Variants in TTC28 observed in about 807,000 individuals in gnomAD.
The protein encoded by TTC28 is tetratricopeptide repeat protein 28.
In TTC28, 61 loss-of-function variants were observed where a neutral mutation model predicts 198.0. The observed-to-expected ratio is 0.31, with a 90% CI of 0.25 to 0.38. The LOEUF (loss-of-function observed/expected upper bound fraction) is 0.38, where lower values mean the gene tolerates loss of function less well. Ranked by LOEUF, TTC28 falls within the 10% of genes least tolerant of loss-of-function variation. The probability of loss-of-function intolerance (pLI) is 1.00; values close to 1 mark genes in which losing one functional copy is unlikely to be tolerated. For missense variants in TTC28, 2,678 were observed against 3,164.0 expected (o/e 0.85, Z 3.69); for synonymous variants, 1,171 against 1,297.8 (o/e 0.90, Z 2.10).
intron 5 of TTC28, among the ~76,000 whole-genome samples, chr22:28,187,828 C>A (rs2147118976): frequency 6.6e-6 from 1 of 152,080 alleles, no homozygotes; most frequent in East Asian, 1.9e-4. Context: ...ATAACAATGC[C>A]CACTGGGAAT....
At chr22:28,410,009 C>G (rs930585722) in intron 2 of TTC28, among the ~76,000 whole-genome samples, 9 of 152,068 alleles carry the variant, frequency 5.9e-5, no homozygotes, top group African/African-American at 2.2e-4. Flanking sequence ...GCAATCTCCA[C>G]CTCCTGGGTT....
At chr22:28,547,485 T>C (rs1254055202) in intron 2 of TTC28, among the ~76,000 whole-genome samples, 1 of 152,194 alleles carries the variant, frequency 6.6e-6, no homozygotes, top group Non-Finnish European at 1.5e-5. Context: ...CTCAAGATTT[T>C]TGTCTCTCCC....
At chr22:28,586,278 CAAA>C (rs1351149710) in intron 2 of TTC28, among the ~76,000 whole-genome samples, 2 of 82,738 alleles carry the variant, frequency 2.4e-5, no homozygotes, top group African/African-American at 4.6e-5. Context: ...GACTCCGTCT[CAAA>C]AAAAAAAAAA....
intron 5 of TTC28, among the ~76,000 whole-genome samples, chr22:28,165,154 G>C (rs878896376): frequency 8.5e-5 from 13 of 152,302 alleles, no homozygotes; most frequent in East Asian, 5.8e-4. Flanking sequence ...AATGAACAAA[G>C]CCTCCAAGAA....
At chr22:28,478,486 G>C (rs1336818202) in intron 2 of TTC28, among the ~76,000 whole-genome samples, 1 of 152,110 alleles carries the variant, frequency 6.6e-6, no homozygotes, top group Non-Finnish European at 1.5e-5. Flanking sequence ...TCTAGCCTGG[G>C]CAACAGAGTG....
chr22:28,409,467 C>G (rs538097208), intron 2 of TTC28, among the ~76,000 whole-genome samples: 2 of 151,682 alleles, frequency 1.3e-5, no homozygotes, highest in African/African-American at 4.8e-5. Flanking sequence ...TAAGCCAAAA[C>G]AAGTTTCTGT....
intron 1 of TTC28, among the ~76,000 whole-genome samples, chr22:28,671,682 C>CTT (rs374970721): frequency 1.5e-3 from 214 of 147,056 alleles, no homozygotes; most frequent in African/African-American, 4.9e-3. Context: ...ATTTTGTTTT[C>CTT]ATTTTTTTTT....
chr22:28,645,475 A>C (rs2051445656), intron 1 of TTC28, among the ~76,000 whole-genome samples: 1 of 151,432 alleles, frequency 6.6e-6, no homozygotes, highest in Non-Finnish European at 1.5e-5. Context: ...AAAAATACAA[A>C]ATTTAGCCGG....
Position 28,340,408 on chromosome 22 carries a change from C to T in TTC28, c.382-33765G>A, listed in dbSNP as rs192447279. ...CTATAATTTGAGACCTTGTGATTAC[C>T]ACACTTGGTTTCATTTCAATGTCAA... is the stretch of plus-strand genomic sequence containing the variant. On this transcript the variant is annotated intron_variant, in intron 2 of 22. Coordinates refer to ENST00000397906, the MANE Select transcript of TTC28 (RefSeq NM_001145418.2). Among the ~76,000 whole-genome samples the T allele has an allele frequency of 3.4e-4, 51 of 151,826 alleles. 1 individual carries two copies. The highest frequency in any genetic ancestry group is 1.5e-3 in the South Asian group (7 of 4,810).
At chr22:28,224,106 T>C (rs1601499313) in intron 5 of TTC28, among the ~76,000 whole-genome samples, 1 of 152,170 alleles carries the variant, frequency 6.6e-6, no homozygotes, top group Non-Finnish European at 1.5e-5. Context: ...CAGAGGTCAG[T>C]GATGCCGCTA....
intron 2 of TTC28, among the ~76,000 whole-genome samples, chr22:28,561,270 G>A (rs183381352): frequency 6.7e-6 from 1 of 149,782 alleles, no homozygotes; most frequent in African/African-American, 2.5e-5. Flanking sequence ...TAGAGACGGG[G>A]TTTCACCGTG....
chr22:28,477,393 C>A (rs1366442278), intron 2 of TTC28, among the ~76,000 whole-genome samples: 1 of 152,142 alleles, frequency 6.6e-6, no homozygotes, highest in African/African-American at 2.4e-5. Flanking sequence ...AATGAATTAG[C>A]CTATACCCTC....
At chr22:28,264,550 A>G (rs1331942723) in intron 5 of TTC28, among the ~76,000 whole-genome samples, 4 of 152,188 alleles carry the variant, frequency 2.6e-5, no homozygotes, top group Admixed American at 2.0e-4. Flanking sequence ...GGATATTTGG[A>G]AGAGAGAGAT....
intron 2 of TTC28, among the ~76,000 whole-genome samples, chr22:28,356,900 C>T (rs1461973639): frequency 6.6e-6 from 1 of 152,178 alleles, no homozygotes; most frequent in Non-Finnish European, 1.5e-5. Flanking sequence ...ACATTAATTT[C>T]CCAGCACAAG....
intron 5 of TTC28, among the ~76,000 whole-genome samples, chr22:28,254,198 T>C (rs1850995837): frequency 6.6e-6 from 1 of 152,002 alleles, no homozygotes; most frequent in African/African-American, 2.4e-5. Flanking sequence ...CCTAAATGCA[T>C]GTGTCCAGCA....
intron 1 of TTC28, among the ~76,000 whole-genome samples, chr22:28,631,067 T>C (rs1056070741): frequency 6.6e-6 from 1 of 152,142 alleles, no homozygotes; most frequent in African/African-American, 2.4e-5. Context: ...TATAGTGTGC[T>C]ACAACTGCAC....
chr22:28,384,443 T>C (rs1478830739), intron 2 of TTC28, among the ~76,000 whole-genome samples: 1 of 152,198 alleles, frequency 6.6e-6, no homozygotes, highest in African/African-American at 2.4e-5. Flanking sequence ...TCTGAGTACT[T>C]ATCATCATCT....
At chr22:28,136,308 C>A (rs973985501) in intron 6 of TTC28, among the ~76,000 whole-genome samples, 48 of 152,022 alleles carry the variant, frequency 3.2e-4, no homozygotes, top group African/African-American at 1.1e-3. Flanking sequence ...CCACACCCAG[C>A]TAATTTTTAA....
At chr22:28,389,092 G>A (rs1208535842) in intron 2 of TTC28, among the ~76,000 whole-genome samples, 2 of 152,148 alleles carry the variant, frequency 1.3e-5, no homozygotes, top group Non-Finnish European at 2.9e-5. Context: ...TGCATCTATT[G>A]AGATAATCAT....
Sources: allele counts gnomAD v4.1 joint callset (sites outside exome capture counted in the v4.1 genomes callset), GRCh38; gene constraint gnomAD v4.1.1; transcripts MANE v1.5; gene names NCBI Gene and HGNC (gene_info 2026-07-23, HGNC 2026-07-21).